KAT7: variants seen among roughly 807,000 people sequenced by gnomAD.
KAT7 encodes the protein lysine acetyltransferase 7, also known as histone acetyltransferase KAT7.
Under a neutral mutation model 82.1 loss-of-function variants are expected in KAT7, and 10 were observed. The ratio of observed to expected loss-of-function variants is 0.12; its 90% CI spans 0.08 to 0.21. The LOEUF (loss-of-function observed/expected upper bound fraction) is 0.21, where lower values mean the gene tolerates loss of function less well. KAT7 is among the 10% of genes least tolerant of loss of function. KAT7 has a pLI of 1.00. For missense variants in KAT7, 378 were observed against 760.9 expected (o/e 0.50, Z 5.92); for synonymous variants, 250 against 262.5 (o/e 0.95, Z 0.46).
chr17:49,797,037 A>G (rs541131895), intron 3 of KAT7, 111 bp downstream of exon 3: 1 of 796,954 alleles, frequency 1.3e-6, no homozygotes, highest in South Asian at 1.9e-5. Context: ...AGCTAGATGA[A>G]TGCTGTTTGC....
intron 1 of KAT7, among the ~76,000 whole-genome samples, chr17:49,790,968 C>T (rs1298570572): frequency 6.6e-6 from 1 of 152,170 alleles, no homozygotes; most frequent in Non-Finnish European, 1.5e-5. Flanking sequence ...AAGAACTCCT[C>T]AGGAGGATAA....
rs1183548890 is a variant in KAT7 at position 49,826,140 on chromosome 17, A to G, written c.1621A>G (p.Ile541Val). ...TAATTTTCAAGGCAAAGAGATTTCT[A>G]TCAAAGGTTGGTTTTTGACTCCTTG... Reference protein sequence around the residue: ...LHNFQGKEISIKEISQETAVN... With the variant: ...LHNFQGKEISVKEISQETAVN... Residue 541 changes from isoleucine (I) to valine (V), a missense_variant, in exon 13 of 15, where the codon ATC (isoleucine) becomes GTC (valine). Ile to Val is a conservative substitution (Grantham distance 29). This residue lies in a region of KAT7 where 44 missense variants were observed against 102.2 expected (regional missense o/e 0.43). Coordinates refer to ENST00000259021, the MANE Select transcript of KAT7 (RefSeq NM_007067.5). 2 of 1,613,898 alleles carry G rather than the reference A, an allele frequency of 1.2e-6. No individual in the cohort carries two copies. Among genetic ancestry groups the G allele is most frequent in the Non-Finnish European group, 1.7e-6 (2 of 1,179,794 alleles).
intron 11 of KAT7, among the ~76,000 whole-genome samples, chr17:49,822,767 A>G (rs945123198): frequency 2.0e-5 from 3 of 152,010 alleles, no homozygotes; most frequent in South Asian, 2.1e-4. Flanking sequence ...GACGTTTCCT[A>G]CAAGTGGAAT....
intron 4 of KAT7, among the ~76,000 whole-genome samples, chr17:49,799,950 G>A (rs1052369358): frequency 6.6e-6 from 1 of 150,952 alleles, no homozygotes; most frequent in Non-Finnish European, 1.5e-5. Context: ...GACTACAAGC[G>A]TGAGCCACCA....
rs571716088 is a variant in KAT7, at chr17:49,809,060, C to T, written c.664-59C>T. 1.8e-5 allele frequency: 24 copies of T among 1,333,924 alleles called. No homozygotes were observed. The Admixed American group carries it at 4.1e-4, about 23-fold the overall frequency. 82.6% of individuals were successfully genotyped at this position (1,333,924 alleles called of 1,614,324 possible). On this transcript the variant is annotated intron_variant, in intron 5 of 14. Coordinates refer to ENST00000259021, the MANE Select transcript of KAT7 (RefSeq NM_007067.5). ...AAGGCATTATCATTGTATTCTTATGCTTTAAGTAAACGTAGTCTTAGAAGC... is the reference window on the plus strand; with the variant it reads ...AAGGCATTATCATTGTATTCTTATGTTTTAAGTAAACGTAGTCTTAGAAGC...
At chr17:49,805,703 G>C (rs1464683744) in intron 5 of KAT7, among the ~76,000 whole-genome samples, 4 of 152,226 alleles carry the variant, frequency 2.6e-5, no homozygotes, top group Non-Finnish European at 5.9e-5. Context: ...TCAGCCACTA[G>C]TGCATTGATA....
intron 2 of KAT7, chr17:49,795,530 A>T (rs2073945014): frequency 4.1e-6 from 1 of 242,650 alleles, no homozygotes; most frequent in African/African-American, 2.3e-5. Flanking sequence ...ATCGATGGGA[A>T]AAAGAAGGTC....
intron 5 of KAT7, among the ~76,000 whole-genome samples, chr17:49,805,796 T>A (rs1382283044): frequency 6.6e-6 from 1 of 152,178 alleles, no homozygotes; most frequent in African/African-American, 2.4e-5. Flanking sequence ...GATCTTAATA[T>A]TTATGCATTC....
intron 11 of KAT7, among the ~76,000 whole-genome samples, chr17:49,822,888 A>G (rs1269023622): frequency 6.6e-6 from 1 of 152,044 alleles, no homozygotes; most frequent in Non-Finnish European, 1.5e-5. Context: ...CCTTTTCAAA[A>G]ATTGCGTTTA....
chr17:49,833,143 C>A lies in KAT7; in HGVS notation c.*5641C>A, dbSNP rs565877710. The stretch of plus-strand genomic sequence containing the variant: ...CTTTAAGTCCAGGTCATGTTGTTAC[C>A]ATTTGGGGGTTTGCGGATTTGTTTA... On this transcript the variant is annotated 3_prime_UTR_variant, in exon 15 of 15. Transcript: ENST00000259021. 1.2e-4 allele frequency: 19 copies of A among 152,294 alleles called. No individual in the cohort carries two copies. The highest frequency in any genetic ancestry group is 4.6e-4 in the African/African-American group (19 of 41,548). The allele number at this position is 152,294 out of a possible 1,614,324, so 9.4% of individuals were successfully genotyped here.
chr17:49,831,495 A>G lies in KAT7; in HGVS notation c.*3993A>G, dbSNP rs1253945363. ...GGATATTATAGTCTTCTTCTAGATG[A>G]AAAATTGAGGCTCATAGTGGTCTTG... is the stretch of plus-strand genomic sequence containing the variant. On this transcript the variant is annotated 3_prime_UTR_variant, in exon 15 of 15. Transcript: ENST00000259021. 1 of 152,188 alleles carries G rather than the reference A, an allele frequency of 6.6e-6. No individual in the cohort carries two copies. Among genetic ancestry groups the G allele is most frequent in the African/African-American group, 2.4e-5 (1 of 41,418 alleles). The allele number at this position is 152,188 out of a possible 1,614,324, so 9.4% of individuals were successfully genotyped here.
At chr17:49,792,510 G>A (rs1269202066) in intron 2 of KAT7, among the ~76,000 whole-genome samples, 3 of 151,898 alleles carry the variant, frequency 2.0e-5, no homozygotes, top group Non-Finnish European at 4.4e-5. Context: ...TTGAATTTCG[G>A]TCTTTTCCTG....
At position 49,789,321 on chromosome 17, in the gene KAT7, G is replaced by A. The variant is rs539196243; in HGVS notation, c.15+472G>A. ...GGCCCGAATCCCCGCCTTTCCGAGC[G>A]GGGACGCTGATAGGTGCAGAGGCGG... is the stretch of plus-strand genomic sequence containing the variant. On this transcript the variant is annotated intron_variant, in intron 1 of 14. Transcript: ENST00000259021. The A allele has an allele frequency of 1.4e-4, 21 of 155,010 alleles. No homozygotes were observed. In the South Asian group the frequency reaches 3.7e-3, roughly 27 times the overall value. 9.6% of individuals were successfully genotyped at this position (155,010 alleles called of 1,614,324 possible).
At position 49,826,885 on chromosome 17, in the gene KAT7, C is replaced by G. The variant is rs2074375029; in HGVS notation, c.1734+86C>G. ...AGTATGGGCCTTAAGACTGGAGAAC[C>G]TTCCCTTAAAGGAGTTGGGCTACAC... On this transcript the variant is annotated intron_variant, in intron 14 of 14. Transcript: ENST00000259021. 5.9e-6 allele frequency: 5 copies of G among 846,460 alleles called. No homozygotes were observed. The East Asian group carries it at 1.3e-4, about 22-fold the overall frequency. The allele number at this position is 846,460 out of a possible 1,614,324, so 52.4% of individuals were successfully genotyped here.
Position 49,830,947 on chromosome 17 carries a change from T to C in KAT7, c.*3445T>C, listed in dbSNP as rs1038517526. ...TTTTATATTTTTTCTTATTATTTTT[T>C]AATTATTAACCAAATTAACTCATTA... On this transcript the variant is annotated 3_prime_UTR_variant, in exon 15 of 15. Coordinates refer to ENST00000259021, the MANE Select transcript of KAT7 (RefSeq NM_007067.5). 6.6e-6 allele frequency: 1 copy of C among 152,128 alleles called. No homozygotes were observed. The highest frequency in any genetic ancestry group is 1.5e-5 in the Non-Finnish European group (1 of 68,046). 9.4% of individuals were successfully genotyped at this position (152,128 alleles called of 1,614,324 possible). A position where few individuals can be genotyped will look rare whatever the true frequency, so the allele number is the denominator to read the frequency against.
In KAT7 at chr17:49,797,006, C is replaced by T. The variant is rs947383069; in HGVS notation, c.340+80C>T. On this transcript the variant is annotated intron_variant, in intron 3 of 14. Coordinates refer to ENST00000259021, the MANE Select transcript of KAT7 (RefSeq NM_007067.5). ...TTTTAAGGAGGGCTTGGGGCCACTG[C>T]AGGTAGATGCCTAATACTTCAGCTA... The T allele has an allele frequency of 5.5e-6, 6 of 1,099,430 alleles. No individual in the cohort carries two copies. In the Admixed American group the frequency reaches 9.2e-5, roughly 17 times the overall value. The allele number at this position is 1,099,430 out of a possible 1,614,324, so 68.1% of individuals were successfully genotyped here.
At chr17:49,821,486 G>T (rs1350501558) in intron 10 of KAT7, 60 bp downstream of exon 10, 10 of 1,533,762 alleles carry the variant, frequency 6.5e-6, no homozygotes, top group Non-Finnish European at 9.0e-6. Context: ...GTTTCAGAAG[G>T]CATATGTTTT....
chr17:49,809,926 A>G (rs968503688), intron 6 of KAT7, among the ~76,000 whole-genome samples: 2 of 152,174 alleles, frequency 1.3e-5, no homozygotes, highest in African/African-American at 4.8e-5. Flanking sequence ...CCTTTGTGAC[A>G]TATTATATTT....
At chr17:49,810,218 T>A (rs1292845139) in intron 6 of KAT7, among the ~76,000 whole-genome samples, 2 of 152,184 alleles carry the variant, frequency 1.3e-5, no homozygotes, top group East Asian at 3.8e-4. Flanking sequence ...AAGTGGTAAC[T>A]ACACTTTTCT....
Sources: allele counts gnomAD v4.1 joint callset (sites outside exome capture counted in the v4.1 genomes callset), GRCh38; gene constraint gnomAD v4.1.1; regional missense constraint gnomAD v4.1.1; transcripts MANE v1.5; gene names NCBI Gene and HGNC (gene_info 2026-07-23, HGNC 2026-07-21).